Variants in NDC80 observed in about 807,000 individuals in gnomAD.
NDC80 encodes the protein NDC80 kinetochore complex component, also known as kinetochore protein NDC80 homolog.
In NDC80, 69 loss-of-function variants were observed where a neutral mutation model predicts 89.3. The observed-to-expected ratio is 0.77, with a 90% confidence interval of 0.64 to 0.94. NDC80 has a LOEUF of 0.94. Among genes scored for constraint, NDC80 ranks in the 40% least tolerant of loss-of-function variants. The pLI is 0.00. For missense variants in NDC80, 593 were observed against 739.6 expected (o/e 0.80, Z 2.30); for synonymous variants, 243 against 255.6 (o/e 0.95, Z 0.47).
chr18:2,577,701 C>G (rs779955518), intron 3 of NDC80, 45 bp from the exon 4 acceptor site: 1 of 1,601,930 alleles, frequency 6.2e-7, no homozygotes, highest in South Asian at 1.1e-5. Flanking sequence ...GACTTGATCA[C>G]AGAAGCAAAT....
chr18:2,580,668 A>G (rs1237001865), intron 6 of NDC80, among the ~76,000 whole-genome samples: 4 of 146,588 alleles, frequency 2.7e-5, no homozygotes, highest in African/African-American at 5.0e-5. Flanking sequence ...TATGCATTCA[A>G]TTTGTCTCTC....
intron 16 of NDC80, among the ~76,000 whole-genome samples, chr18:2,611,070 C>T (rs1339430882): frequency 4.5e-5 from 5 of 109,980 alleles, no homozygotes; most frequent in African/African-American, 7.1e-5. Flanking sequence ...TTTTTTGAGA[C>T]GGAGTTTCAC....
chr18:2,588,224 A>G (rs2072611301), intron 8 of NDC80, among the ~76,000 whole-genome samples: 1 of 152,186 alleles, frequency 6.6e-6, no homozygotes, highest in South Asian at 2.1e-4. Flanking sequence ...TAATATACCA[A>G]ACATGCTACC....
At chr18:2,575,353 A>G (rs1016877216) in intron 3 of NDC80, among the ~76,000 whole-genome samples, 1 of 152,180 alleles carries the variant, frequency 6.6e-6, no homozygotes, top group Non-Finnish European at 1.5e-5. Context: ...AGGAGTGGCC[A>G]GGCATGGTGG....
rs748366050 is a variant in NDC80, at chr18:2,585,100, G to C, written c.580-13G>C. ...TCAGATCAACTTGCTTTTCTTGCTT[G>C]TGTACTAATTAGATACATACTGCCA... On this transcript the variant is annotated splice_polypyrimidine_tract_variant and intron_variant, in intron 6 of 16. Transcript: ENST00000261597. The C allele has an allele frequency of 1.2e-6, 2 of 1,602,198 alleles. No homozygotes were observed. The highest frequency in any genetic ancestry group is 2.2e-5 in the South Asian group (2 of 90,564).
intron 13 of NDC80, among the ~76,000 whole-genome samples, chr18:2,604,643 T>C (rs2072700937): frequency 6.6e-6 from 1 of 152,152 alleles, no homozygotes; most frequent in African/African-American, 2.4e-5. Flanking sequence ...ATTGTGCCAC[T>C]GCACTCCAGC....
Position 2,579,044 on chromosome 18 carries a change from CT to C in NDC80, c.579+19del. 6.9e-7 allele frequency: 1 copy of C among 1,458,364 alleles called. No homozygotes were observed. Among genetic ancestry groups the C allele is most frequent in the South Asian group, 1.4e-5 (1 of 71,836 alleles). The allele number at this position is 1,458,364 out of a possible 1,614,324, so 90.3% of individuals were successfully genotyped here. On this transcript the variant is annotated intron_variant, in intron 6 of 16. Transcript: ENST00000261597. ...ACTGCATCAAGGTATTTGATTTGTT[CT>C]TTTGAAATGTATACATGGGAAAGGG... is the stretch of plus-strand genomic sequence containing the variant.
At chr18:2,615,352 T>G (rs1568017025) in intron 16 of NDC80, 1 of 152,256 alleles carries the variant, frequency 6.6e-6, no homozygotes, top group Non-Finnish European at 1.5e-5. Flanking sequence ...GTAATCTTTC[T>G]GGGGCCTTTG....
At chr18:2,598,883 C>A (rs2143656397) in intron 11 of NDC80, 136 bp from the exon 12 acceptor site, 1 of 800,626 alleles carries the variant, frequency 1.2e-6, no homozygotes, top group Non-Finnish European at 1.8e-6. Flanking sequence ...GCTACTCTTA[C>A]TGCTAAAGAT....
intron 12 of NDC80, among the ~76,000 whole-genome samples, chr18:2,599,400 G>A (rs942968878): frequency 2.0e-5 from 3 of 152,092 alleles, no homozygotes; most frequent in Non-Finnish European, 2.9e-5. Flanking sequence ...AACCCTTACT[G>A]TCAAGTTGCT....
Position 2,589,204 on chromosome 18 carries a change from A to G in NDC80, c.764A>G (p.Lys255Arg). The G allele has an allele frequency of 2.5e-6, 4 of 1,605,196 alleles. No homozygotes were observed. Among genetic ancestry groups the G allele is most frequent in the Non-Finnish European group, 3.4e-6 (4 of 1,172,412 alleles). The change falls in exon 9 of 17, where the codon AAG (lysine) becomes AGG (arginine). Residue 255 changes from lysine (K) to arginine (R), a missense_variant and splice_region_variant. Coordinates refer to ENST00000261597, the MANE Select transcript of NDC80 (RefSeq NM_006101.3). ...AAAAGCTTTTGGATTTTGTCTCCAG[A>G]GGATTTATTTAATGTGGATGCTTTT... ...EMNAELQSKL[K>R]DLFNVDAFKL...
chr18:2,608,989 C>T lies in NDC80; in HGVS notation c.1688+159C>T, dbSNP rs1053405979. Among the ~76,000 whole-genome samples the T allele has an allele frequency of 3.0e-4, 46 of 152,026 alleles. 1 individual carries two copies. The highest frequency in any genetic ancestry group is 5.9e-5 in the Non-Finnish European group (4 of 68,008). On this transcript the variant is annotated intron_variant, in intron 15 of 16. Transcript: ENST00000261597. ...AACTTAAGTACAACTGCTTATAACT[C>T]GAGAACTTTCCCTATCAACAGATAC... is the stretch of plus-strand genomic sequence containing the variant.
Position 2,614,602 on chromosome 18 carries a change from AAAG to A in NDC80, c.1792-1832_1792-1830del, listed in dbSNP as rs2072771235. On this transcript the variant is annotated intron_variant, in intron 16 of 16. Transcript: ENST00000261597. ...GAAAGAAAGAAAGAAAGAAAGAAAG[AAAG>A]AAAGAAAGAAAGAAAGAAAGAAAGA... 4 of 47,674 alleles carry A rather than the reference AAAG, an allele frequency of 8.4e-5. 2 individuals are homozygous for A. The highest frequency in any genetic ancestry group is 1.5e-4 in the Non-Finnish European group (4 of 27,552). The allele number at this position is 47,674 out of a possible 1,614,324, so 3.0% of individuals were successfully genotyped here.
At chr18:2,598,954 G>A (rs142128772) in intron 11 of NDC80, 65 bp from the exon 12 acceptor site, 10 of 1,401,778 alleles carry the variant, frequency 7.1e-6, no homozygotes, top group Middle Eastern at 2.5e-4. Flanking sequence ...TTTTAGAAAT[G>A]TCAATTGAAA....
At chr18:2,579,532 A>G (rs184649563) in intron 6 of NDC80, among the ~76,000 whole-genome samples, 6 of 152,210 alleles carry the variant, frequency 3.9e-5, no homozygotes, top group East Asian at 1.9e-4. Context: ...GGTTCAAGAA[A>G]TTCTCCTGCC....
intron 13 of NDC80, among the ~76,000 whole-genome samples, chr18:2,604,202 T>C (rs2072698594): frequency 1.3e-5 from 2 of 152,230 alleles, no homozygotes; most frequent in African/African-American, 2.4e-5. Flanking sequence ...CATAGCTTTT[T>C]GTAATGTGAA....
intron 13 of NDC80, 29 bp downstream of exon 13, chr18:2,601,514 A>G: frequency 9.5e-7 from 1 of 1,057,266 alleles, no homozygotes; most frequent in Non-Finnish European, 1.3e-6. Flanking sequence ...AAAGTCATAA[A>G]AAGTGAAAAT....
intron 14 of NDC80, among the ~76,000 whole-genome samples, chr18:2,606,830 T>C (rs2072714556): frequency 6.6e-6 from 1 of 152,088 alleles, no homozygotes; most frequent in Non-Finnish European, 1.5e-5. Context: ...AGAGATTTAT[T>C]GTTATGTACT....
Position 2,590,241 on chromosome 18 carries a change from A to C in NDC80, c.1015+79A>C, listed in dbSNP as rs917909458. The C allele has an allele frequency of 2.9e-5, 41 of 1,399,046 alleles. No homozygotes were observed. The South Asian group carries it at 5.4e-4, about 19-fold the overall frequency. The allele number at this position is 1,399,046 out of a possible 1,614,324, so 86.7% of individuals were successfully genotyped here. A position where few individuals can be genotyped will look rare whatever the true frequency, so the allele number is the denominator to read the frequency against. ...ACATGTAAAAACAGCTTTGTTATCC[A>C]TATCTTTTGTTGTTCTGTGGTACAT... is the stretch of plus-strand genomic sequence containing the variant. On this transcript the variant is annotated intron_variant, in intron 10 of 16. Coordinates refer to ENST00000261597, the MANE Select transcript of NDC80 (RefSeq NM_006101.3).
Sources: gnomAD v4.1 joint callset for allele counts (sites outside exome capture counted in the v4.1 genomes callset) on GRCh38, gnomAD v4.1.1 for gene constraint, MANE v1.5 for transcripts, NCBI Gene and HGNC (gene_info 2026-07-23, HGNC 2026-07-21) for gene names.